PHACTR2: variants seen among roughly 807,000 people sequenced by gnomAD.
PHACTR2 encodes phosphatase and actin regulator 2, also known as chromosome 6 open reading frame 56.
PHACTR2 carries 30 observed loss-of-function variants against 76.0 expected under a neutral mutation model. That is an observed-to-expected ratio of 0.39 (90% CI 0.30 to 0.54). The LOEUF (loss-of-function observed/expected upper bound fraction) is 0.54. PHACTR2 is among the 20% of genes least tolerant of loss of function. The probability of loss-of-function intolerance (pLI) is 0.61; values close to 1 mark genes in which losing one functional copy is unlikely to be tolerated. For missense variants in PHACTR2, 696 were observed against 781.1 expected (o/e 0.89, Z 1.30); for synonymous variants, 292 against 292.5 (o/e 1.00, Z 0.02).
Position 143,786,991 on chromosome 6 carries a change from C to G in PHACTR2, c.1708-1782C>G, listed in dbSNP as rs144494049. Among the ~76,000 whole-genome samples, 202 of 152,284 alleles carry G rather than the reference C, an allele frequency of 1.3e-3. 1 individual carries two copies. Among genetic ancestry groups the G allele is most frequent in the African/African-American group, 4.6e-3 (193 of 41,548 alleles). Reference sequence around the variant, plus strand: ...ATTGACTCAATTTCTAGGGATGACTCTAGTTTTCAATGGCCCTTAAGTTAC... The same window carrying G: ...ATTGACTCAATTTCTAGGGATGACTGTAGTTTTCAATGGCCCTTAAGTTAC... On this transcript the variant is annotated intron_variant, in intron 10 of 12. Coordinates refer to ENST00000440869, the MANE Select transcript of PHACTR2 (RefSeq NM_001100164.2).
rs1781156012 is a variant in PHACTR2, at chr6:143,539,850, T to C, written c.217+2643T>C. Among the ~76,000 whole-genome samples, 1 of 152,164 alleles carries C rather than the reference T, an allele frequency of 6.6e-6. No homozygotes were observed. The highest frequency in any genetic ancestry group is 6.5e-5 in the Admixed American group (1 of 15,282). ...GCTCTCCCACACTGGTTTTCAAACT[T>C]GGCTACACGTAGGAATTGCTTGGGG... On this transcript the variant is annotated intron_variant, in intron 1 of 11. Transcript: ENST00000367584. The surrounding 1 kb of genome is among the most constrained non-coding windows in gnomAD (Gnocchi z 4.3).
rs1407042066 is a variant in PHACTR2 at position 143,633,881 on chromosome 6, G to A, written c.13+25559G>A. Reference sequence around the variant, plus strand: ...CAGTTACCTTTTGAAGATGAACTTTGTAAGATGAACTATAGATTTAAGATG... The same window carrying A: ...CAGTTACCTTTTGAAGATGAACTTTATAAGATGAACTATAGATTTAAGATG... On this transcript the variant is annotated intron_variant, in intron 1 of 11. Coordinates refer to the PHACTR2 transcript ENST00000305766. The surrounding 1 kb of genome is among the most constrained non-coding windows in gnomAD (Gnocchi z 4.1). 6.6e-6 allele frequency among the ~76,000 whole-genome samples: 1 copy of A among 152,126 alleles called. No homozygotes were observed. The highest frequency in any genetic ancestry group is 1.5e-5 in the Non-Finnish European group (1 of 67,998).
intron 1 of PHACTR2, among the ~76,000 whole-genome samples, chr6:143,706,553 T>C (rs929469199): frequency 3.3e-5 from 5 of 152,318 alleles, no homozygotes; most frequent in African/African-American, 1.2e-4. Flanking sequence ...AAACCTGGCT[T>C]CCACCATCTG....
chr6:143,825,354 A>C lies in PHACTR2; in HGVS notation c.*1665A>C, dbSNP rs1467176224. ...CTTGAAATCGGATCATTTTATTTAA[A>C]AATAAAAAATGTTAATGCCAGTTGG... On this transcript the variant is annotated 3_prime_UTR_variant, in exon 13 of 13. Transcript: ENST00000440869. This position sits in a 1 kb window ranked among gnomAD's most constrained non-coding sequence, Gnocchi z 4.1. 6.6e-6 allele frequency: 1 copy of C among 152,234 alleles called. No homozygotes were observed. Among genetic ancestry groups the C allele is most frequent in the African/African-American group, 2.4e-5 (1 of 41,466 alleles). The allele number at this position is 152,234 out of a possible 1,614,324, so 9.4% of individuals were successfully genotyped here.
At chr6:143,670,121 G>A (rs1459203894) in intron 1 of PHACTR2, among the ~76,000 whole-genome samples, 5 of 152,282 alleles carry the variant, frequency 3.3e-5, no homozygotes, top group Admixed American at 3.3e-4. Context: ...AGTTTGGTTG[G>A]ATATGAAATT....
At chr6:143,573,589 T>TCC (rs139559964) in intron 1 of PHACTR2, among the ~76,000 whole-genome samples, 1 of 151,178 alleles carries the variant, frequency 6.6e-6, no homozygotes, top group African/African-American at 2.4e-5. Flanking sequence ...TTTTTTTTTT[T>TCC]CTAAGTATTT....
intron 1 of PHACTR2, among the ~76,000 whole-genome samples, chr6:143,630,191 AGATC>A (rs1243031209): frequency 8.4e-6 from 1 of 118,762 alleles, no homozygotes; most frequent in Non-Finnish European, 2.1e-5. Flanking sequence ...ATTTGAATGA[AGATC>A]AAAAAATTAA....
At chr6:143,573,740 G>A (rs1775474245) in intron 1 of PHACTR2, among the ~76,000 whole-genome samples, 1 of 152,112 alleles carries the variant, frequency 6.6e-6, no homozygotes, top group South Asian at 2.1e-4. Flanking sequence ...AAATTATGAT[G>A]TCCTTGAAAC....
rs1366430616 is a variant in PHACTR2 at position 143,776,436 on chromosome 6, A to G, written c.1590-892A>G. Among the ~76,000 whole-genome samples the G allele has an allele frequency of 6.6e-6, 1 of 152,250 alleles. No homozygotes were observed. The highest frequency in any genetic ancestry group is 1.5e-5 in the Non-Finnish European group (1 of 68,048). On this transcript the variant is annotated intron_variant, in intron 8 of 12. Transcript: ENST00000440869. This position sits in a 1 kb window ranked among gnomAD's most constrained non-coding sequence, Gnocchi z 5.3. ...CATTATGTTTATATAACATTGTTAC[A>G]TAGAAGAAAATACAATGAAAAAGGG...
intron 4 of PHACTR2, among the ~76,000 whole-genome samples, chr6:143,759,628 G>GAA (rs35602024): frequency 2.6e-4 from 28 of 108,640 alleles, no homozygotes; most frequent in African/African-American, 8.9e-4. Context: ...GACCCTATCT[G>GAA]AAAAAAAAAA....
In PHACTR2 at chr6:143,546,045, A is replaced by G. The variant is rs1285205812; in HGVS notation, c.217+8838A>G. Among the ~76,000 whole-genome samples the G allele has an allele frequency of 6.6e-6, 1 of 152,218 alleles. No individual in the cohort carries two copies. The highest frequency in any genetic ancestry group is 1.5e-5 in the Non-Finnish European group (1 of 68,032). ...TGTTTAATTCATGCCCAAGAACCATATCTTGTCTCAAGGTACAAGTGTAGT... is the reference window on the plus strand; with the variant it reads ...TGTTTAATTCATGCCCAAGAACCATGTCTTGTCTCAAGGTACAAGTGTAGT... On this transcript the variant is annotated intron_variant, in intron 1 of 11. Transcript: ENST00000367584. The surrounding 1 kb of genome is among the most constrained non-coding windows in gnomAD (Gnocchi z 4.9).
intron 1 of PHACTR2, among the ~76,000 whole-genome samples, chr6:143,600,327 C>T (rs945723537): frequency 6.6e-6 from 1 of 152,232 alleles, no homozygotes; most frequent in Admixed American, 6.5e-5. Context: ...CTTTAAGCAA[C>T]AGGCTACCCC....
upstream of PHACTR2, among the ~76,000 whole-genome samples, chr6:143,605,277 G>T (rs1274629432): frequency 1.3e-5 from 2 of 152,178 alleles, no homozygotes; most frequent in African/African-American, 2.4e-5. This position sits in a 1 kb window ranked among gnomAD's most constrained non-coding sequence, Gnocchi z 5.0. Context: ...TCATGGGAAG[G>T]TTAATAAAAA....
Position 143,562,956 on chromosome 6 carries a change from T to A in PHACTR2, c.217+25749T>A, listed in dbSNP as rs1257499999. On this transcript the variant is annotated intron_variant, in intron 1 of 11. Transcript: ENST00000367584. This position sits in a 1 kb window ranked among gnomAD's most constrained non-coding sequence, Gnocchi z 5.1. Reference sequence around the variant, plus strand: ...ATTCCTAGAGATAGAAAATAGAGTATAAGCTTCTAGGGGCTGGAGGAAAGG... The same window carrying A: ...ATTCCTAGAGATAGAAAATAGAGTAAAAGCTTCTAGGGGCTGGAGGAAAGG... Among the ~76,000 whole-genome samples, 1 of 152,156 alleles carries A rather than the reference T, an allele frequency of 6.6e-6. No homozygotes were observed. Among genetic ancestry groups the A allele is most frequent in the Admixed American group, 6.5e-5 (1 of 15,276 alleles).
At chr6:143,717,157 A>G (rs1778322137) in intron 2 of PHACTR2, among the ~76,000 whole-genome samples, 1 of 152,068 alleles carries the variant, frequency 6.6e-6, no homozygotes, top group African/African-American at 2.4e-5. Context: ...GCATGCCCCA[A>G]GCCTTCTTGG....
At position 143,753,806 on chromosome 6, in the gene PHACTR2, C is replaced by A. The variant is rs1264108019; in HGVS notation, c.348C>A (p.Ile116=). 6.2e-7 allele frequency: 1 copy of A among 1,611,528 alleles called. No individual in the cohort carries two copies. The highest frequency in any genetic ancestry group is 8.5e-7 in the Non-Finnish European group (1 of 1,178,754). The part of the protein sequence containing the change: ...FENSNGHMIP[I]GEESTREENV... ...ATTCAAACGGGCACATGATACCCAT[C>A]GGAGAGGAATCTACCCGAGAGGAAA... Residue 116 remains isoleucine, a synonymous_variant, in exon 4 of 13, where the codon ATC becomes ATA. Coordinates refer to ENST00000440869, the MANE Select transcript of PHACTR2 (RefSeq NM_001100164.2). The surrounding 1 kb of genome is among the most constrained non-coding windows in gnomAD (Gnocchi z 4.6).
In PHACTR2 at chr6:143,641,796, G is replaced by A. The variant is rs1049053961; in HGVS notation, c.13+33474G>A. On this transcript the variant is annotated intron_variant, in intron 1 of 11. Transcript: ENST00000305766. The surrounding 1 kb of genome is among the most constrained non-coding windows in gnomAD (Gnocchi z 5.8). The stretch of plus-strand genomic sequence containing the variant: ...GCTGGGATTACAGGTATGAGCCACC[G>A]CACCCAGCCAAATTTCTGTTGTTTT... 7.2e-5 allele frequency among the ~76,000 whole-genome samples: 11 copies of A among 152,220 alleles called. No homozygotes were observed. Among genetic ancestry groups the A allele is most frequent in the East Asian group, 1.9e-4 (1 of 5,180 alleles).
At position 143,740,508 on chromosome 6, in the gene PHACTR2, T is replaced by TGTAAAAAAAA. The variant is rs112665368; in HGVS notation, c.215-8477_215-8476insGTAAAAAAAA. Among the ~76,000 whole-genome samples, 548 of 128,656 alleles carry TGTAAAAAAAA rather than the reference T, an allele frequency of 4.3e-3. 6 individuals carry two copies. The highest frequency in any genetic ancestry group is 0.041 in the South Asian group (156 of 3,810). 84.4% of individuals were successfully genotyped at this position (128,656 alleles called of 152,430 possible). A position where few individuals can be genotyped will look rare whatever the true frequency, so the allele number is the denominator to read the frequency against. ...AACTATTACAAAACATCCTTTTAAT[T>TGTAAAAAAAA]AAAAAAAAAAAAAAAGGAAAAAATA... On this transcript the variant is annotated intron_variant, in intron 2 of 12. Transcript: ENST00000440869.
At position 143,772,319 on chromosome 6, in the gene PHACTR2, G is replaced by A. The variant is rs752040201; in HGVS notation, c.1294G>A (p.Gly432Ser). 6.2e-7 allele frequency: 1 copy of A among 1,613,982 alleles called. No individual in the cohort carries two copies. Among genetic ancestry groups the A allele is most frequent in the East Asian group, 2.2e-5 (1 of 44,872 alleles). ...TCAGCTACTGACTCCTGGGCTGATG[G>A]GCGAATCTTCAGAATCCTTTAGTGC... is the stretch of plus-strand genomic sequence containing the variant. ...VPQLLTPGLM[G>S]ESSESFSASE... is the part of the protein sequence containing the mutation. The change falls in exon 7 of 13, where the codon GGC (glycine) becomes AGC (serine). Residue 432 changes from glycine to serine, a missense_variant. Gly to Ser is a moderately conservative substitution (Grantham distance 56). Coordinates refer to ENST00000440869, the MANE Select transcript of PHACTR2 (RefSeq NM_001100164.2). The surrounding 1 kb of genome is among the most constrained non-coding windows in gnomAD (Gnocchi z 5.4).
Sources: gnomAD v4.1 joint callset for allele counts (sites outside exome capture counted in the v4.1 genomes callset) on GRCh38, gnomAD v4.1.1 for gene constraint, Gnocchi (gnomAD v3.1) non-coding constraint, MANE v1.5 for transcripts, NCBI Gene and HGNC (gene_info 2026-07-23, HGNC 2026-07-21) for gene names.